The following PPP2R2C variants were observed in gnomAD, a reference collection of about 807,000 sequenced individuals.
PPP2R2C encodes the protein protein phosphatase 2 regulatory subunit Bgamma.
Under a neutral mutation model 45.3 loss-of-function variants are expected in PPP2R2C, and 10 were observed. The observed-to-expected ratio is 0.22, with a 90% CI of 0.14 to 0.37. The LOEUF (loss-of-function observed/expected upper bound fraction) is 0.37, where lower values mean the gene tolerates loss of function less well. Ranked by LOEUF, PPP2R2C falls within the 10% of genes least tolerant of loss-of-function variation. PPP2R2C has a pLI of 1.00. For synonymous variants in PPP2R2C, 257 were observed against 245.4 expected (o/e 1.05, Z -0.44); for missense variants, 308 against 619.7 (o/e 0.50, Z 5.34).
Position 6,323,130 on chromosome 4 carries a change from GA to G in PPP2R2C, c.*171del, listed in dbSNP as rs1731658755. On this transcript the variant is annotated 3_prime_UTR_variant, in exon 9 of 9. Transcript: ENST00000382599. ...ACTGCCAAACACAATTCTGGCCTAG[GA>G]AAGCTGGGGCAGGGAGGGGGCCCAA... 3.7e-5 allele frequency: 25 copies of G among 670,444 alleles called. 1 individual carries two copies. In the South Asian group the frequency reaches 8.8e-4, roughly 24 times the overall value. The allele number at this position is 670,444 out of a possible 1,614,324, so 41.5% of individuals were successfully genotyped here.
rs531553096 is a variant in PPP2R2C at position 6,329,613 on chromosome 4, G to A, written c.961-260C>T. Among the ~76,000 whole-genome samples the A allele has an allele frequency of 7.6e-5, 10 of 131,358 alleles. No individual in the cohort carries two copies. The highest frequency in any genetic ancestry group is 4.4e-5 in the African/African-American group (1 of 22,800). 86.2% of individuals were successfully genotyped at this position (131,358 alleles called of 152,430 possible). On this transcript the variant is annotated intron_variant, in intron 7 of 8. Transcript: ENST00000382599. This position sits in a 1 kb window ranked among gnomAD's most constrained non-coding sequence, Gnocchi z 5.8. The stretch of plus-strand genomic sequence containing the variant: ...ACAGCCCTGCTCATCTTATCGGGGG[G>A]CCCACGACCAGGCACACGGCTGACC...
intron 1 of PPP2R2C, among the ~76,000 whole-genome samples, chr4:6,465,867 T>C (rs1179245816): frequency 6.6e-6 from 1 of 152,214 alleles, no homozygotes; most frequent in East Asian, 1.9e-4. Flanking sequence ...GTGTACATTC[T>C]TCCAACACCC....
intron 1 of PPP2R2C, among the ~76,000 whole-genome samples, chr4:6,415,561 G>T (rs1478052110): frequency 6.6e-6 from 1 of 152,202 alleles, no homozygotes; most frequent in Non-Finnish European, 1.5e-5. Context: ...CGGTCACTCA[G>T]AGGACGGCCC....
Position 6,514,535 on chromosome 4 carries a change from A to T in PPP2R2C, c.49+20736T>A, listed in dbSNP as rs1366251988. Among the ~76,000 whole-genome samples the T allele has an allele frequency of 2.7e-5, 4 of 150,810 alleles. No individual in the cohort carries two copies. The East Asian group carries it at 5.8e-4, about 22-fold the overall frequency. Reference sequence around the variant, plus strand: ...CCCCAGGGCCCTTGGTTTTTGTAGGACTCACCTCCCACAGGCTCTGAACTC... The same window carrying T: ...CCCCAGGGCCCTTGGTTTTTGTAGGTCTCACCTCCCACAGGCTCTGAACTC... On this transcript the variant is annotated intron_variant, in intron 2 of 9. Transcript: ENST00000506140.
At chr4:6,549,859 C>T (rs1336823866) in intron 1 of PPP2R2C, among the ~76,000 whole-genome samples, 4 of 152,200 alleles carry the variant, frequency 2.6e-5, no homozygotes, top group Admixed American at 6.5e-5. Context: ...GCAGCTGTAA[C>T]GAACGTTATT....
At chr4:6,382,995 C>A in intron 1 of PPP2R2C, 1 of 1,083,132 alleles carries the variant, frequency 9.2e-7, no homozygotes, top group Non-Finnish European at 1.1e-6. Context: ...TGGAGCCAAA[C>A]CTTCACCCCT....
At chr4:6,326,714 G>A (rs2109153364) in intron 8 of PPP2R2C, among the ~76,000 whole-genome samples, 1 of 152,364 alleles carries the variant, frequency 6.6e-6, no homozygotes, top group South Asian at 2.1e-4. Flanking sequence ...AGCACACGGT[G>A]GCGAGGGTAG....
At chr4:6,529,166 A>G (rs997537860) in intron 2 of PPP2R2C, among the ~76,000 whole-genome samples, 1 of 152,248 alleles carries the variant, frequency 6.6e-6, no homozygotes, top group African/African-American at 2.4e-5. Flanking sequence ...AGGCCTGAAC[A>G]TCTGGCAGCC....
chr4:6,378,378 C>T lies in PPP2R2C; in HGVS notation c.334+29G>A, dbSNP rs199717140. ...GGTAGAAACATCTACGGCCTGTGCC[C>T]ATGCAAGCGAGGCCGGGCAGCGCCT... On this transcript the variant is annotated intron_variant, in intron 3 of 8. Transcript: ENST00000382599. The surrounding 1 kb of genome is among the most constrained non-coding windows in gnomAD (Gnocchi z 5.2). 2.5e-6 allele frequency: 4 copies of T among 1,613,926 alleles called. No individual in the cohort carries two copies. The highest frequency in any genetic ancestry group is 2.2e-5 in the East Asian group (1 of 44,882).
At chr4:6,381,681 G>A in intron 1 of PPP2R2C, 2 of 1,522,902 alleles carry the variant, frequency 1.3e-6, no homozygotes, top group Non-Finnish European at 1.8e-6. Flanking sequence ...CAGAAGCGAA[G>A]CTCAGCCCTG....
intron 1 of PPP2R2C, among the ~76,000 whole-genome samples, chr4:6,459,380 G>C (rs1721206165): frequency 1.3e-5 from 2 of 152,184 alleles, no homozygotes; most frequent in African/African-American, 4.8e-5. Flanking sequence ...AGCCTCCAAA[G>C]CTACACGGTG....
At chr4:6,449,472 G>A (rs1218599617) in intron 1 of PPP2R2C, among the ~76,000 whole-genome samples, 1 of 152,192 alleles carries the variant, frequency 6.6e-6, no homozygotes, top group Non-Finnish European at 1.5e-5. Flanking sequence ...CACTAAATAT[G>A]TGCTGGAGAG....
chr4:6,342,713 T>G (rs73795984), intron 6 of PPP2R2C, among the ~76,000 whole-genome samples: 156 of 152,320 alleles, frequency 1.0e-3, no homozygotes, highest in African/African-American at 3.5e-3. Flanking sequence ...TCATGTACGG[T>G]TGTTTCCACG....
rs572770185 is a variant in PPP2R2C at position 6,350,022 on chromosome 4, C to G, written c.626-2012G>C. ...TCTCTGTGCTCGTGCTCAAATCTTG[C>G]TTCCCGGAAGCACGTCATTAACCAC... On this transcript the variant is annotated intron_variant, in intron 5 of 8. Transcript: ENST00000382599. 52 of 985,394 alleles carry G rather than the reference C, an allele frequency of 5.3e-5. No individual in the cohort carries two copies. The African/African-American group carries it at 8.9e-4, about 17-fold the overall frequency. The allele number at this position is 985,394 out of a possible 1,614,324, so 61.0% of individuals were successfully genotyped here.
chr4:6,381,024 C>A lies in PPP2R2C; in HGVS notation c.141G>T (p.Arg47=), dbSNP rs774387666. Residue 47 remains arginine, a synonymous_variant, in exon 2 of 9, where the codon CGG becomes CGT. Transcript: ENST00000382599. ...ELLATGDKGG[R]VVIFQREPES... is the part of the protein sequence containing the mutation. ...CTGGTTCCCGCTGGAAGATGACGAC[C>A]CGGCCGCCCTTGTCACCTGTGGCCA... The A allele has an allele frequency of 7.1e-6, 11 of 1,553,378 alleles. No individual in the cohort carries two copies. The highest frequency in any genetic ancestry group is 8.7e-6 in the Non-Finnish European group (10 of 1,145,212).
intron 1 of PPP2R2C, among the ~76,000 whole-genome samples, chr4:6,420,762 G>A (rs1293106645): frequency 6.6e-6 from 1 of 152,198 alleles, no homozygotes; most frequent in Non-Finnish European, 1.5e-5. Context: ...AGACAATGGA[G>A]CCATAGAGTT....
At chr4:6,496,518 G>A (rs990115379) in intron 2 of PPP2R2C, among the ~76,000 whole-genome samples, 1 of 152,206 alleles carries the variant, frequency 6.6e-6, no homozygotes, top group Non-Finnish European at 1.5e-5. Flanking sequence ...AAGTCTAGGT[G>A]TGAGTCCATT....
At chr4:6,381,811 G>C in intron 1 of PPP2R2C, 7 of 1,613,934 alleles carry the variant, frequency 4.3e-6, no homozygotes, top group Non-Finnish European at 5.9e-6. Flanking sequence ...GGCCTTCCTG[G>C]ATGGGCAAGT....
chr4:6,547,986 G>A (rs1459667415), intron 1 of PPP2R2C, among the ~76,000 whole-genome samples: 2 of 152,188 alleles, frequency 1.3e-5, no homozygotes, highest in Non-Finnish European at 2.9e-5. Context: ...GGGAGGCCAA[G>A]GCAGGCAGAT....
Sources: gnomAD v4.1 joint callset for allele counts (sites outside exome capture counted in the v4.1 genomes callset) on GRCh38, gnomAD v4.1.1 for gene constraint, Gnocchi (gnomAD v3.1) non-coding constraint, MANE v1.5 for transcripts, NCBI Gene and HGNC (gene_info 2026-07-23, HGNC 2026-07-21) for gene names.